Variants in B4GALNT3 observed in about 807,000 individuals in gnomAD.
B4GALNT3 encodes the protein beta-1,4-N-acetyl-galactosaminyltransferase 3, also known as beta-1,4-N-acetylgalactosaminyltransferase 3.
In B4GALNT3, 86 loss-of-function variants were observed where a neutral mutation model predicts 120.2. That is an observed-to-expected ratio of 0.72 (90% CI 0.60 to 0.86). The LOEUF (loss-of-function observed/expected upper bound fraction) is 0.86. B4GALNT3 is among the 40% of genes least tolerant of loss of function. The pLI is 0.00. For synonymous variants in B4GALNT3, 518 were observed against 510.4 expected (o/e 1.01, Z -0.20); for missense variants, 1,167 against 1,298.9 (o/e 0.90, Z 1.56).
chr12:543,286 C>T (rs2120686157), intron 3 of B4GALNT3: 7 of 1,099,280 alleles, frequency 6.4e-6, no homozygotes, highest in South Asian at 1.3e-5. Flanking sequence ...AGCACCGGCC[C>T]CTTTCTGCCC....
chr12:510,016 G>A (rs114618398), intron 1 of B4GALNT3, among the ~76,000 whole-genome samples: 3,808 of 152,170 alleles, frequency 0.025, 166 homozygotes, highest in African/African-American at 0.085. Context: ...TTCCATGGCC[G>A]AGTGAGTTCA....
chr12:512,947 CTTCCACCTTCCACCTTCCACT>C (rs1946609553), intron 1 of B4GALNT3, among the ~76,000 whole-genome samples: 1 of 139,454 alleles, frequency 7.2e-6, no homozygotes, highest in African/African-American at 2.6e-5. Flanking sequence ...CTTCCACCTT[CTTCCACCTTCCACCTTCCACT>C]TTCCACCTTC....
intron 14 of B4GALNT3, among the ~76,000 whole-genome samples, chr12:555,986 T>C (rs1161609385): frequency 6.6e-6 from 1 of 151,592 alleles, no homozygotes; most frequent in Non-Finnish European, 1.5e-5. Context: ...GGTTTCACCA[T>C]ATTAGCCAGG....
At chr12:511,768 CCTTCCACCTT>C (rs1470911309) in intron 1 of B4GALNT3, among the ~76,000 whole-genome samples, 1 of 107,048 alleles carries the variant, frequency 9.3e-6, no homozygotes, top group East Asian at 2.5e-4. Context: ...CCACCTTCCA[CCTTCCACCTT>C]CTTCCACCTT....
chr12:523,956 G>C (rs1321366670), intron 1 of B4GALNT3, among the ~76,000 whole-genome samples: 1 of 152,194 alleles, frequency 6.6e-6, no homozygotes, highest in Non-Finnish European at 1.5e-5. Flanking sequence ...AGCTCCTCGG[G>C]AGACTGAGGC....
At chr12:464,806 C>T (rs1203154179) in intron 1 of B4GALNT3, among the ~76,000 whole-genome samples, 4 of 152,186 alleles carry the variant, frequency 2.6e-5, no homozygotes, top group Non-Finnish European at 2.9e-5. Flanking sequence ...CGTTGGCTTT[C>T]GCTGCCTTAC....
In B4GALNT3 at chr12:553,919, C is replaced by T. The variant is rs1158631584; in HGVS notation, c.1996C>T (p.Pro666Ser). 2 of 1,614,078 alleles carry T rather than the reference C, an allele frequency of 1.2e-6. No individual in the cohort carries two copies. The highest frequency in any genetic ancestry group is 1.7e-5 in the Admixed American group (1 of 60,032). ...SCNTSGNLLL[P>S]EQEALEVTRV... ...TAACACATCTGGCAACCTGCTGCTT[C>T]CAGAGCAGGAAGCTCTGGAGGTCAC... is the stretch of plus-strand genomic sequence containing the variant. Residue 666 changes from proline (P) to serine (S), a missense_variant, in exon 14 of 20, where the codon CCA (proline) becomes TCA (serine). Pro to Ser is a moderately conservative substitution (Grantham distance 74, BLOSUM62 -1). Coordinates refer to ENST00000266383, the MANE Select transcript of B4GALNT3 (RefSeq NM_173593.4).
intron 1 of B4GALNT3, among the ~76,000 whole-genome samples, chr12:508,722 G>T (rs1946520041): frequency 6.6e-6 from 1 of 152,066 alleles, no homozygotes; most frequent in African/African-American, 2.4e-5. Flanking sequence ...AGAGCTCCAG[G>T]CTGTTCTTGC....
Position 460,460 on chromosome 12 carries a change from G to A in B4GALNT3, c.84G>A (p.Ala28=), listed in dbSNP as rs144955552. Residue 28 remains alanine (A), a synonymous_variant, in exon 1 of 20, where the codon GCG becomes GCA. Coordinates refer to ENST00000266383, the MANE Select transcript of B4GALNT3 (RefSeq NM_173593.4). The surrounding 1 kb of genome is among the most constrained non-coding windows in gnomAD (Gnocchi z 8.0). Reference sequence around the variant, plus strand: ...GGAGGCGCTTCCGGCTGCTGCTGGCGCTCGCCGTGGTGTCTGTGGGGCTCT... The same window carrying A: ...GGAGGCGCTTCCGGCTGCTGCTGGCACTCGCCGTGGTGTCTGTGGGGCTCT... ...LLRRRFRLLL[A]LAVVSVGLWT... The A allele has an allele frequency of 4.6e-4, 721 of 1,580,994 alleles. 5 individuals carry two copies. In the African/African-American group the frequency reaches 8.5e-3, roughly 19 times the overall value.
chr12:555,928 T>A (rs1157731156), intron 14 of B4GALNT3, among the ~76,000 whole-genome samples: 1 of 151,896 alleles, frequency 6.6e-6, no homozygotes, highest in African/African-American at 2.4e-5. Flanking sequence ...GAACTACAGG[T>A]GCCCACCACC....
At chr12:486,751 G>A (rs1051756959) in intron 1 of B4GALNT3, among the ~76,000 whole-genome samples, 1 of 152,072 alleles carries the variant, frequency 6.6e-6, no homozygotes, top group Admixed American at 6.6e-5. Context: ...ATCACTAAAG[G>A]CCCTTTTCAT....
chr12:491,169 T>A (rs1460731037), intron 1 of B4GALNT3, among the ~76,000 whole-genome samples: 2 of 152,060 alleles, frequency 1.3e-5, no homozygotes, highest in Non-Finnish European at 2.9e-5. Flanking sequence ...TGTAAAAAGA[T>A]TATACATCAT....
At chr12:523,690 A>G (rs908286448) in intron 1 of B4GALNT3, among the ~76,000 whole-genome samples, 6 of 152,232 alleles carry the variant, frequency 3.9e-5, no homozygotes, top group African/African-American at 1.2e-4. Context: ...CTATGTCTCC[A>G]TCGGCAAAAT....
intron 1 of B4GALNT3, among the ~76,000 whole-genome samples, chr12:529,277 A>C (rs1418603674): frequency 2.6e-5 from 4 of 152,140 alleles, no homozygotes; most frequent in African/African-American, 9.7e-5. Context: ...TCCTGTTGGC[A>C]TTCATGAGTT....
chr12:494,696 C>G (rs962085978), intron 1 of B4GALNT3, among the ~76,000 whole-genome samples: 1 of 152,008 alleles, frequency 6.6e-6, no homozygotes, highest in Non-Finnish European at 1.5e-5. Flanking sequence ...AGGAGAAGAC[C>G]CACAGATTGT....
chr12:547,938 T>C (rs1315735590), intron 7 of B4GALNT3, 86 bp from the exon 8 acceptor site: 14 of 1,130,018 alleles, frequency 1.2e-5, no homozygotes, highest in Admixed American at 1.8e-5. Context: ...TGAGGGAGTG[T>C]AAGGTGCTGG....
At chr12:532,681 G>T (rs959236071) in intron 1 of B4GALNT3, among the ~76,000 whole-genome samples, 4 of 152,174 alleles carry the variant, frequency 2.6e-5, no homozygotes, top group African/African-American at 9.7e-5. Flanking sequence ...TGACCTAGAA[G>T]AATTCTTGCT....
Position 558,049 on chromosome 12 carries a change from AC to A in B4GALNT3, c.2569del (p.Arg857AlafsTer9), listed in dbSNP as rs1947179884. ...QYVKLSGNFE[R>X]SAGLQAGIDL... The stretch of plus-strand genomic sequence containing the variant: ...ACGTGAAGCTAAGTGGAAACTTTGA[AC>A]GCTCAGCTGGACTTCAGGCTGGCAT... On this transcript the variant is annotated frameshift_variant, in exon 17 of 20. Coordinates refer to ENST00000266383, the MANE Select transcript of B4GALNT3 (RefSeq NM_173593.4). LOFTEE classifies it high-confidence loss of function. 1.9e-6 allele frequency: 3 copies of A among 1,613,918 alleles called. No individual in the cohort carries two copies. Among genetic ancestry groups the A allele is most frequent in the Admixed American group, 1.7e-5 (1 of 60,020 alleles).
chr12:556,647 C>T lies in B4GALNT3; in HGVS notation c.2161C>T (p.Arg721Cys), dbSNP rs777975495. Residue 721 changes from arginine to cysteine, a missense_variant, in exon 15 of 20, where the codon CGC becomes TGC. Physicochemically the swap from Arg to Cys is radical, Grantham distance 180. Transcript: ENST00000266383. ...GCTTGAACTGTTGGAACAAGGCCAG[C>T]GCGTGGTGCGGCTCTCGGAGTATGT... ...LELELLEQGQ[R>C]VVRLSEYVSA... 20 of 1,614,034 alleles carry T rather than the reference C, an allele frequency of 1.2e-5. No homozygotes were observed. The highest frequency in any genetic ancestry group is 1.6e-4 in the Middle Eastern group (1 of 6,062).
Sources: gnomAD v4.1 joint callset for allele counts (sites outside exome capture counted in the v4.1 genomes callset) on GRCh38, gnomAD v4.1.1 for gene constraint, Gnocchi (gnomAD v3.1) non-coding constraint, MANE v1.5 for transcripts, NCBI Gene and HGNC (gene_info 2026-07-23, HGNC 2026-07-21) for gene names.